The following CIP2A variants were observed in gnomAD, a reference collection of about 807,000 sequenced individuals.
CIP2A encodes the protein cellular inhibitor of PP2A.
In CIP2A, 103 loss-of-function variants were observed where a neutral mutation model predicts 110.9. That is an observed-to-expected ratio of 0.93 (90% CI 0.79 to 1.09). The LOEUF (loss-of-function observed/expected upper bound fraction) is 1.09, where lower values mean the gene tolerates loss of function less well. Ranked by LOEUF, CIP2A falls within the 50% of genes least tolerant of loss-of-function variation. CIP2A has a pLI of 0.00. For synonymous variants in CIP2A, 381 were observed against 361.6 expected (o/e 1.05, Z -0.61); for missense variants, 1,088 against 1,038.4 (o/e 1.05, Z -0.66).
chr3:108,586,311 C>G (rs1333914640), intron 1 of CIP2A, among the ~76,000 whole-genome samples: 1 of 152,062 alleles, frequency 6.6e-6, no homozygotes, highest in Non-Finnish European at 1.5e-5. Flanking sequence ...AGTGCAGATG[C>G]CAGTAACAGA....
At chr3:108,570,798 T>C (rs371187705) in intron 8 of CIP2A, among the ~76,000 whole-genome samples, 2 of 152,258 alleles carry the variant, frequency 1.3e-5, no homozygotes, top group East Asian at 3.9e-4. Flanking sequence ...TAAGCTACAC[T>C]ATTTTTTAAA....
chr3:108,580,436 AACACACACAC>A (rs375166090), intron 5 of CIP2A, among the ~76,000 whole-genome samples: 14 of 142,258 alleles, frequency 9.8e-5, no homozygotes, highest in African/African-American at 2.3e-4. Flanking sequence ...CAGAAATTGA[AACACACACAC>A]ACACACACAC....
At chr3:108,586,527 A>C (rs191734917) in intron 1 of CIP2A, among the ~76,000 whole-genome samples, 11 of 152,316 alleles carry the variant, frequency 7.2e-5, no homozygotes, top group African/African-American at 2.4e-4. Context: ...ACTTATACTG[A>C]ATCTCTTAAA....
In CIP2A at chr3:108,550,477, G is replaced by A. The variant is rs2083883063; in HGVS notation, c.*672C>T. On this transcript the variant is annotated 3_prime_UTR_variant, in exon 21 of 21. Transcript: ENST00000295746. Reference sequence around the variant, plus strand: ...ATATACCTTACAAATAATTCTACAAGTTCTTAGATTTTTTATGAGACAGCT... The same window carrying A: ...ATATACCTTACAAATAATTCTACAAATTCTTAGATTTTTTATGAGACAGCT... 1 of 151,196 alleles carries A rather than the reference G, an allele frequency of 6.6e-6. No homozygotes were observed. The highest frequency in any genetic ancestry group is 1.5e-5 in the Non-Finnish European group (1 of 67,610). 9.4% of individuals were successfully genotyped at this position (151,196 alleles called of 1,614,324 possible).
chr3:108,568,196 T>G lies in CIP2A; in HGVS notation c.1232A>C (p.Lys411Thr). ...EQNLDEALTRKKCERIAKAIE... is the reference protein window; with the variant it reads ...EQNLDEALTRTKCERIAKAIE... Reference sequence around the variant, plus strand: ...GGCCTTGGCAATCCTTTCACATTTTTTTCTTGTTAAAGCCTCATCTAGATT... The same window carrying G: ...GGCCTTGGCAATCCTTTCACATTTTGTTCTTGTTAAAGCCTCATCTAGATT... The change falls in exon 10 of 21, where the codon AAA becomes ACA. Residue 411 changes from lysine (K) to threonine (T), a missense_variant. Lys to Thr is a moderately conservative substitution (Grantham distance 78). Transcript: ENST00000295746. The G allele has an allele frequency of 6.2e-7, 1 of 1,612,314 alleles. No homozygotes were observed. The highest frequency in any genetic ancestry group is 2.2e-5 in the East Asian group (1 of 44,824).
intron 1 of CIP2A, chr3:108,585,855 T>TA (rs1939025188): frequency 6.7e-6 from 3 of 445,524 alleles, no homozygotes; most frequent in Non-Finnish European, 1.4e-5. Flanking sequence ...TTGTTTTTTT[T>TA]ACTTTCTTGT....
At position 108,569,586 on chromosome 3, in the gene CIP2A, A is replaced by G; in HGVS notation, c.916T>C (p.Phe306Leu). 1 of 1,612,380 alleles carries G rather than the reference A, an allele frequency of 6.2e-7. No homozygotes were observed. The highest frequency in any genetic ancestry group is 8.5e-7 in the Non-Finnish European group (1 of 1,178,986). ...TGGCGCAGCTGAGTCACTGAACAGAAGGCAAGAAGTAATTCTAAAACCTGT... is the reference window on the plus strand; with the variant it reads ...TGGCGCAGCTGAGTCACTGAACAGAGGGCAAGAAGTAATTCTAAAACCTGT... Reference protein sequence around the residue: ...SSKVLELLLAFCSVTQLRHML... With the variant: ...SSKVLELLLALCSVTQLRHML... Residue 306 changes from phenylalanine (F) to leucine (L), a missense_variant, in exon 9 of 21, where the codon TTC becomes CTC. Coordinates refer to ENST00000295746, the MANE Select transcript of CIP2A (RefSeq NM_020890.3).
intron 12 of CIP2A, among the ~76,000 whole-genome samples, chr3:108,563,478 G>A (rs1461805571): frequency 6.6e-6 from 1 of 151,962 alleles, no homozygotes; most frequent in African/African-American, 2.4e-5. Flanking sequence ...CAAAGGTTTT[G>A]AATGCTTTCA....
intron 4 of CIP2A, 72 bp from the exon 5 acceptor site, chr3:108,581,583 G>T: frequency 1.2e-6 from 1 of 865,054 alleles, no homozygotes; most frequent in Non-Finnish European, 1.9e-6. Context: ...ATTATTCTAA[G>T]TCAAAATGAT....
chr3:108,575,985 CT>C (rs1938636198), intron 8 of CIP2A, among the ~76,000 whole-genome samples: 1 of 150,018 alleles, frequency 6.7e-6, no homozygotes, highest in African/African-American at 2.5e-5. Flanking sequence ...TATATGTATG[CT>C]GTTAGAAGTC....
intron 8 of CIP2A, among the ~76,000 whole-genome samples, chr3:108,575,889 T>TATATATACATATATAC (rs71103480): frequency 2.1e-5 from 1 of 46,546 alleles, no homozygotes; most frequent in Non-Finnish European, 5.0e-5. Flanking sequence ...TATACATGTG[T>TATATATACATATATAC]ATGAGTATAT....
At chr3:108,557,626 A>C (rs978388910) in intron 16 of CIP2A, among the ~76,000 whole-genome samples, 1 of 152,084 alleles carries the variant, frequency 6.6e-6, no homozygotes, top group Non-Finnish European at 1.5e-5. Flanking sequence ...GATAAAAACA[A>C]TCTCACTATG....
chr3:108,579,223 C>T, intron 7 of CIP2A, 58 bp downstream of exon 7: 1 of 1,291,700 alleles, frequency 7.7e-7, no homozygotes, highest in Non-Finnish European at 1.1e-6. Flanking sequence ...CTGTTTATAA[C>T]CAACACATCT....
At chr3:108,587,796 T>G (rs1939114276) in intron 1 of CIP2A, among the ~76,000 whole-genome samples, 3 of 152,122 alleles carry the variant, frequency 2.0e-5, no homozygotes, top group Admixed American at 2.0e-4. Context: ...TTTTGTTTTG[T>G]TTTTGAGACG....
chr3:108,562,069 G>A (rs545699032), intron 13 of CIP2A, among the ~76,000 whole-genome samples: 1 of 152,022 alleles, frequency 6.6e-6, no homozygotes. Context: ...TTTTGTTGTT[G>A]CTGTTAAAAA....
Position 108,554,575 on chromosome 3 carries a change from C to T in CIP2A, c.2211-86G>A, listed in dbSNP as rs1937719746. 1.6e-5 allele frequency: 10 copies of T among 613,146 alleles called. No homozygotes were observed. In the East Asian group the frequency reaches 2.9e-4, roughly 18 times the overall value. 38.0% of individuals were successfully genotyped at this position (613,146 alleles called of 1,614,324 possible). ...AAGCTCACAGTGTTTTCTTTACTAT[C>T]TCTTCTAACCAAATTGCATATGCTG... On this transcript the variant is annotated intron_variant, in intron 17 of 20. Transcript: ENST00000295746.
At chr3:108,561,664 G>A (rs1297045485) in intron 13 of CIP2A, among the ~76,000 whole-genome samples, 1 of 152,088 alleles carries the variant, frequency 6.6e-6, no homozygotes, top group Non-Finnish European at 1.5e-5. Flanking sequence ...GTGAGACCCT[G>A]TCTCGAAAAC....
intron 8 of CIP2A, among the ~76,000 whole-genome samples, chr3:108,576,048 G>A (rs1289253203): frequency 4.0e-5 from 6 of 151,708 alleles, no homozygotes; most frequent in Admixed American, 3.3e-4. Context: ...TAAAGGTAAG[G>A]AATAGGAAGG....
Position 108,566,542 on chromosome 3 carries a change from T to C in CIP2A, c.1370A>G (p.Lys457Arg), listed in dbSNP as rs1357603594. ...CTTTGTTCCAAATCCCAGGTCAATC[T>C]TGCCATATGTAAATTGTTGTTCTAT... Reference protein sequence around the residue: ...TLIEQQFTYGKIDLGFGTKVA... With the variant: ...TLIEQQFTYGRIDLGFGTKVA... The change falls in exon 11 of 21, where the codon AAG (lysine) becomes AGG (arginine). Residue 457 changes from lysine to arginine, a missense_variant. Physicochemically the swap from Lys to Arg is conservative, Grantham distance 26. Transcript: ENST00000295746. The C allele has an allele frequency of 2.5e-6, 4 of 1,608,350 alleles. No homozygotes were observed. The African/African-American group carries it at 4.0e-5, about 16-fold the overall frequency.
Sources: gnomAD v4.1 joint callset for allele counts (sites outside exome capture counted in the v4.1 genomes callset) on GRCh38, gnomAD v4.1.1 for gene constraint, MANE v1.5 for transcripts, NCBI Gene and HGNC (gene_info 2026-07-23, HGNC 2026-07-21) for gene names.